The following AGBL4 variants were observed in gnomAD, a reference collection of about 807,000 sequenced individuals.
AGBL4 encodes AGBL carboxypeptidase 4, also known as cytosolic carboxypeptidase 6.
AGBL4 carries 58 observed loss-of-function variants against 66.4 expected under a neutral mutation model. The observed-to-expected ratio is 0.87, with a 90% confidence interval of 0.71 to 1.09. The LOEUF is 1.09. Among genes scored for constraint, AGBL4 ranks in the 50% least tolerant of loss-of-function variants. The pLI is 0.00. For synonymous variants in AGBL4, 234 were observed against 222.9 expected (o/e 1.05, Z -0.44); for missense variants, 579 against 631.0 (o/e 0.92, Z 0.88).
At chr1:49,259,052 A>C (rs564544685) in intron 3 of AGBL4, among the ~76,000 whole-genome samples, 121 of 152,268 alleles carry the variant, frequency 7.9e-4, no homozygotes, top group African/African-American at 2.8e-3. Context: ...TATCCAGCCA[A>C]ACTAAGATCC....
chr1:48,930,233 A>G (rs1424090847), intron 5 of AGBL4, among the ~76,000 whole-genome samples: 1 of 149,174 alleles, frequency 6.7e-6, no homozygotes, highest in Non-Finnish European at 1.5e-5. Flanking sequence ...CTCCCTTTCA[A>G]TTCATAACTA....
At chr1:49,811,460 T>G in intron 2 of AGBL4, among the ~76,000 whole-genome samples, 1 of 152,140 alleles carries the variant, frequency 6.6e-6, no homozygotes. Context: ...TTTTTGTTAC[T>G]TAGACTTTAT....
rs1384296470 is a variant in AGBL4 at position 48,775,796 on chromosome 1, G to A, written c.634+91395C>T. 2.6e-5 allele frequency among the ~76,000 whole-genome samples: 4 copies of A among 152,356 alleles called. No individual in the cohort carries two copies. In the East Asian group the frequency reaches 7.7e-4, roughly 29 times the overall value. The stretch of plus-strand genomic sequence containing the variant: ...CTACGAAATGGAGATGAGACTAGCT[G>A]CCTTAGCCCATCTCTCAGGGCCCTG... On this transcript the variant is annotated intron_variant, in intron 6 of 13. Coordinates refer to ENST00000371839, the MANE Select transcript of AGBL4 (RefSeq NM_032785.4).
intron 11 of AGBL4, among the ~76,000 whole-genome samples, chr1:48,558,055 C>T (rs569268349): frequency 6.6e-6 from 1 of 152,274 alleles, no homozygotes; most frequent in South Asian, 2.1e-4. Flanking sequence ...TCCACCAATC[C>T]TCAATTCCTG....
At chr1:49,982,720 T>A (rs1033536802) in intron 1 of AGBL4, among the ~76,000 whole-genome samples, 1 of 152,074 alleles carries the variant, frequency 6.6e-6, no homozygotes, top group African/African-American at 2.4e-5. Flanking sequence ...TCATCCCCTC[T>A]GAACCCCATA....
intron 5 of AGBL4, among the ~76,000 whole-genome samples, chr1:48,935,682 G>T (rs1215595287): frequency 6.6e-6 from 1 of 151,898 alleles, no homozygotes; most frequent in Non-Finnish European, 1.5e-5. Context: ...GATGGGCTGG[G>T]TGTGGTGGCT....
chr1:49,041,479 A>G (rs992701614), intron 5 of AGBL4, among the ~76,000 whole-genome samples: 3 of 152,146 alleles, frequency 2.0e-5, no homozygotes, highest in Admixed American at 1.3e-4. Flanking sequence ...TGCTTTGGAT[A>G]AGGTAAATCC....
chr1:48,534,543 C>T (rs1443288512), intron 13 of AGBL4, among the ~76,000 whole-genome samples: 1 of 152,118 alleles, frequency 6.6e-6, no homozygotes, highest in Non-Finnish European at 1.5e-5. Context: ...TAATATGTGT[C>T]AGGAAGTGGT....
intron 3 of AGBL4, among the ~76,000 whole-genome samples, chr1:49,680,851 A>T (rs1197069201): frequency 6.7e-6 from 1 of 150,220 alleles, no homozygotes; most frequent in Admixed American, 6.6e-5. Flanking sequence ...ATGAATTTAG[A>T]TCATTCTGTT....
intron 2 of AGBL4, among the ~76,000 whole-genome samples, chr1:49,698,410 C>T (rs1185156673): frequency 6.6e-6 from 1 of 152,112 alleles, no homozygotes; most frequent in Non-Finnish European, 1.5e-5. Context: ...CTACAGGCCA[C>T]ATACTGTCCT....
intron 4 of AGBL4, among the ~76,000 whole-genome samples, chr1:49,112,129 G>A (rs935978992): frequency 6.7e-6 from 1 of 150,250 alleles, no homozygotes; most frequent in Admixed American, 6.6e-5. Context: ...TATAACATGT[G>A]TGAGGTCTGA....
chr1:49,014,668 G>C (rs1402119176), intron 5 of AGBL4, among the ~76,000 whole-genome samples: 1 of 152,072 alleles, frequency 6.6e-6, no homozygotes, highest in East Asian at 1.9e-4. Context: ...CCCTCTCACT[G>C]ATGCCTTCTA....
intron 3 of AGBL4, among the ~76,000 whole-genome samples, chr1:49,509,658 T>C (rs1649024871): frequency 1.3e-5 from 2 of 151,914 alleles, no homozygotes; most frequent in Admixed American, 6.6e-5. Flanking sequence ...TGGATAAAGA[T>C]TATATTACAT....
intron 3 of AGBL4, among the ~76,000 whole-genome samples, chr1:49,431,845 C>G (rs973096528): frequency 4.6e-5 from 7 of 151,936 alleles, no homozygotes; most frequent in Non-Finnish European, 1.5e-5. Flanking sequence ...ACTGGTAATA[C>G]TGTGGCAGGC....
chr1:48,608,025 A>G (rs1302980637), intron 9 of AGBL4, among the ~76,000 whole-genome samples: 4 of 152,222 alleles, frequency 2.6e-5, no homozygotes, highest in African/African-American at 9.6e-5. Context: ...TCCCCACGAT[A>G]AAATACTGCT....
At chr1:48,867,722 T>C (rs188154736) in intron 5 of AGBL4, among the ~76,000 whole-genome samples, 3 of 152,300 alleles carry the variant, frequency 2.0e-5, no homozygotes, top group Admixed American at 2.0e-4. Flanking sequence ...TCTAGATTGG[T>C]TTCATTCTTA....
intron 5 of AGBL4, among the ~76,000 whole-genome samples, chr1:48,942,805 T>A (rs1034778124): frequency 1.3e-5 from 2 of 152,170 alleles, no homozygotes; most frequent in African/African-American, 4.8e-5. Flanking sequence ...AATTACTTAC[T>A]CTCTTCCAGC....
chr1:48,843,120 A>T (rs1462369475), intron 6 of AGBL4, among the ~76,000 whole-genome samples: 1 of 152,168 alleles, frequency 6.6e-6, no homozygotes, highest in East Asian at 1.9e-4. Context: ...AAGTAATTTT[A>T]CTTAACTCTA....
At chr1:49,789,408 A>G (rs530883966) in intron 2 of AGBL4, among the ~76,000 whole-genome samples, 1 of 152,350 alleles carries the variant, frequency 6.6e-6, no homozygotes, top group East Asian at 1.9e-4. Flanking sequence ...CTGTTTGCAG[A>G]TGACATGATT....
Sources: allele counts gnomAD v4.1 joint callset (sites outside exome capture counted in the v4.1 genomes callset), GRCh38; gene constraint gnomAD v4.1.1; transcripts MANE v1.5; gene names NCBI Gene and HGNC (gene_info 2026-07-23, HGNC 2026-07-21).